The following AUTS2 variants were observed in gnomAD, a reference collection of about 807,000 sequenced individuals.
AUTS2 encodes the protein autism susceptibility gene 2 protein.
Under a neutral mutation model 112.4 loss-of-function variants are expected in AUTS2, and 17 were observed. That is an observed-to-expected ratio of 0.15 (90% CI 0.10 to 0.23). The LOEUF (loss-of-function observed/expected upper bound fraction) is 0.23. Ranked by LOEUF, AUTS2 falls within the 10% of genes least tolerant of loss-of-function variation. The probability of loss-of-function intolerance (pLI) is 1.00; values close to 1 mark genes in which losing one functional copy is unlikely to be tolerated. For synonymous variants in AUTS2, 751 were observed against 702.7 expected, an observed-to-expected ratio of 1.07 and a Z score of -1.09; for missense variants, 1,510 against 1,701.6, an observed-to-expected ratio of 0.89 and a Z score of 1.98.
intron 4 of AUTS2, among the ~76,000 whole-genome samples, chr7:70,353,749 T>C (rs1002202940): frequency 6.6e-6 from 1 of 152,204 alleles, no homozygotes; most frequent in Non-Finnish European, 1.5e-5. Context: ...TCAGGGGAGA[T>C]GTAATGCCAG....
intron 5 of AUTS2, among the ~76,000 whole-genome samples, chr7:70,691,515 C>T (rs1208407324): frequency 6.6e-6 from 1 of 152,148 alleles, no homozygotes; most frequent in Non-Finnish European, 1.5e-5. Context: ...CTTCTTTCTT[C>T]CTTCTTCCTA....
intron 5 of AUTS2, among the ~76,000 whole-genome samples, chr7:70,625,427 C>T (rs1208240287): frequency 6.6e-6 from 1 of 152,218 alleles, no homozygotes; most frequent in African/African-American, 2.4e-5. Context: ...ACAGTCACAG[C>T]TCTGCCATGG....
chr7:70,083,053 T>C (rs1261248922), intron 2 of AUTS2, among the ~76,000 whole-genome samples: 1 of 152,184 alleles, frequency 6.6e-6, no homozygotes, highest in South Asian at 2.1e-4. Context: ...ACTCGCTTAC[T>C]TCTGGTTAGT....
chr7:70,478,032 C>T (rs1311992404), intron 5 of AUTS2, among the ~76,000 whole-genome samples: 1 of 152,124 alleles, frequency 6.6e-6, no homozygotes. Flanking sequence ...TGACTGTCCA[C>T]AGCAATAGAG....
intron 1 of AUTS2, among the ~76,000 whole-genome samples, chr7:69,772,876 C>G (rs1262547579): frequency 6.6e-6 from 1 of 152,190 alleles, no homozygotes; most frequent in Non-Finnish European, 1.5e-5. Flanking sequence ...AATTTACAGC[C>G]TAAGGCAAAT....
chr7:70,113,025 A>G (rs1805165494), intron 2 of AUTS2, among the ~76,000 whole-genome samples: 1 of 152,080 alleles, frequency 6.6e-6, no homozygotes. Flanking sequence ...CTTCAAGATT[A>G]TCAAATTGTT....
intron 4 of AUTS2, among the ~76,000 whole-genome samples, chr7:70,406,578 C>G (rs889107322): frequency 6.6e-6 from 1 of 152,216 alleles, no homozygotes; most frequent in Non-Finnish European, 1.5e-5. Flanking sequence ...TTAGTCTCCC[C>G]CATCATCTCT....
chr7:70,672,751 C>T (rs914674513), intron 5 of AUTS2, among the ~76,000 whole-genome samples: 6 of 151,998 alleles, frequency 3.9e-5, no homozygotes, highest in South Asian at 2.1e-4. Flanking sequence ...TACAGGTGCC[C>T]GCCACCACAC....
chr7:70,730,353 T>C (rs975285471), intron 6 of AUTS2, among the ~76,000 whole-genome samples: 1 of 152,130 alleles, frequency 6.6e-6, no homozygotes, highest in African/African-American at 2.4e-5. Flanking sequence ...ATCACTACAA[T>C]TAATTTTAGG....
chr7:69,889,128 G>C (rs535963686), intron 1 of AUTS2, among the ~76,000 whole-genome samples: 3 of 152,222 alleles, frequency 2.0e-5, no homozygotes, highest in African/African-American at 7.2e-5. Flanking sequence ...TCAAACTCCT[G>C]GGCTCAAGCA....
intron 1 of AUTS2, among the ~76,000 whole-genome samples, chr7:69,744,185 C>T (rs1371855853): frequency 1.3e-5 from 2 of 152,136 alleles, no homozygotes; most frequent in Non-Finnish European, 2.9e-5. Flanking sequence ...GTTGAATGTA[C>T]TACAGTGTGT....
chr7:70,736,398 GA>G (rs554819586), intron 6 of AUTS2, among the ~76,000 whole-genome samples: 2 of 152,206 alleles, frequency 1.3e-5, no homozygotes, highest in African/African-American at 4.8e-5. Context: ...GTGGATTGAA[GA>G]AAAAAGGTGA....
chr7:70,120,861 A>G (rs982196844), intron 3 of AUTS2, among the ~76,000 whole-genome samples: 2 of 152,212 alleles, frequency 1.3e-5, no homozygotes, highest in Non-Finnish European at 2.9e-5. Flanking sequence ...TCTCAAATAC[A>G]TATGAAATGG....
At chr7:69,680,816 C>T (rs554804696) in intron 1 of AUTS2, among the ~76,000 whole-genome samples, 14 of 152,056 alleles carry the variant, frequency 9.2e-5, no homozygotes, top group African/African-American at 2.7e-4. Context: ...ATTACGGGCT[C>T]GCGCCACCAT....
At chr7:70,552,374 A>G (rs1563035656) in intron 5 of AUTS2, among the ~76,000 whole-genome samples, 2 of 152,224 alleles carry the variant, frequency 1.3e-5, no homozygotes, top group African/African-American at 4.8e-5. Context: ...TTAGCGGATT[A>G]TACCATATGT....
chr7:70,090,496 T>A (rs1285063837), intron 2 of AUTS2, among the ~76,000 whole-genome samples: 2 of 152,104 alleles, frequency 1.3e-5, no homozygotes, highest in African/African-American at 4.8e-5. Context: ...CCCGACTGGC[T>A]GGGACTACAG....
At chr7:69,663,397 A>T (rs1795890910) in intron 1 of AUTS2, 1 of 152,082 alleles carries the variant, frequency 6.6e-6, no homozygotes, top group Non-Finnish European at 1.5e-5. Context: ...TTCATATGTG[A>T]TGTGCCCAAC....
intron 1 of AUTS2, among the ~76,000 whole-genome samples, chr7:69,668,189 GT>G (rs2129151017): frequency 6.6e-6 from 1 of 152,274 alleles, no homozygotes; most frequent in African/African-American, 2.4e-5. Flanking sequence ...GGTGATTATA[GT>G]TTGACTTATT....
intron 2 of AUTS2, among the ~76,000 whole-genome samples, chr7:69,957,991 G>A (rs1797284334): frequency 6.6e-6 from 1 of 152,158 alleles, no homozygotes; most frequent in Non-Finnish European, 1.5e-5. Flanking sequence ...CCCTGGTGGT[G>A]AGGTACTGAA....
Sources: gnomAD v4.1 joint callset for allele counts (sites outside exome capture counted in the v4.1 genomes callset) on GRCh38, gnomAD v4.1.1 for gene constraint, MANE v1.5 for transcripts, NCBI Gene and HGNC (gene_info 2026-07-23, HGNC 2026-07-21) for gene names.